LDOC1: variants seen among roughly 807,000 people sequenced by gnomAD.
LDOC1 encodes protein LDOC1.
A neutral mutation model predicts 4.9 loss-of-function variants in LDOC1; 1 was observed. The observed-to-expected ratio is 0.20, with a 90% confidence interval of 0.07 to 0.96. The LOEUF (loss-of-function observed/expected upper bound fraction) is 0.96, where lower values mean the gene tolerates loss of function less well. Ranked by LOEUF, LDOC1 falls within the 40% of genes least tolerant of loss-of-function variation. The pLI is 0.62. For missense variants in LDOC1, 76 were observed against 128.1 expected (o/e 0.59, Z 1.96); for synonymous variants, 55 against 58.3 (o/e 0.94, Z 0.26).
chrX:141,177,123 C>G lies in LDOC1; in HGVS notation c.-102G>C. The stretch of plus-strand genomic sequence containing the variant: ...CGTGTCCACGGAGGCGCTTGGTGGC[C>G]AGGGGCGGGGGGCGGGGGGCGGTGT... On this transcript the variant is annotated 5_prime_UTR_variant, in exon 1 of 1. Coordinates refer to ENST00000370526, the MANE Select transcript of LDOC1 (RefSeq NM_012317.4). 1 of 840,915 alleles carries G rather than the reference C, an allele frequency of 1.2e-6. No homozygotes were observed. The highest frequency in any genetic ancestry group is 1.5e-6 in the Non-Finnish European group (1 of 661,302). 69.3% of individuals were successfully genotyped at this position (840,915 alleles called of 1,213,427 possible).
rs1319624815 is a variant in LDOC1 at position 141,175,565 on chromosome X, C to T, written c.*1016G>A. ...CCCTTTGCCAGGGCTTTAAGAAATG[C>T]GTTGGTGAAGGGAGCATCAGAACCC... is the stretch of plus-strand genomic sequence containing the variant. On this transcript the variant is annotated 3_prime_UTR_variant, in exon 1 of 1. Coordinates refer to ENST00000370526, the MANE Select transcript of LDOC1 (RefSeq NM_012317.4). Among the ~76,000 whole-genome samples, 2 of 111,708 alleles carry T rather than the reference C, an allele frequency of 1.8e-5. No individual in the cohort carries two copies. The highest frequency in any genetic ancestry group is 1.9e-4 in the Admixed American group (2 of 10,500).
Position 141,176,316 on chromosome X carries a change from C to A in LDOC1, c.*265G>T. 2 of 409,369 alleles carry A rather than the reference C, an allele frequency of 4.9e-6. No individual in the cohort carries two copies. Among genetic ancestry groups the A allele is most frequent in the Non-Finnish European group, 8.5e-6 (2 of 234,958 alleles). 33.7% of individuals were successfully genotyped at this position (409,369 alleles called of 1,213,427 possible). On this transcript the variant is annotated 3_prime_UTR_variant, in exon 1 of 1. Coordinates refer to ENST00000370526, the MANE Select transcript of LDOC1 (RefSeq NM_012317.4). ...GTTCAGATTAGCAGGGGAGGGATCC[C>A]GGGGATGGCCAGGGTAGATGACACT...
Position 141,175,297 on chromosome X carries a change from G to A in LDOC1, c.*1284C>T, listed in dbSNP as rs1556282992. 8.9e-6 allele frequency among the ~76,000 whole-genome samples: 1 copy of A among 112,021 alleles called. No homozygotes were observed. Among genetic ancestry groups the A allele is most frequent in the Admixed American group, 9.5e-5 (1 of 10,546 alleles). On this transcript the variant is annotated 3_prime_UTR_variant, in exon 1 of 1. Transcript: ENST00000370526. ...TGTTGGCTATTTGGAGTTTGAAAGT[G>A]ACAATCTACTATGTTGGCTCTCTGG...
Position 141,176,410 on chromosome X carries a change from T to C in LDOC1, c.*171A>G, listed in dbSNP as rs1396743869. ...CAGCAGGTAACTGGAGCGCTATTCC[T>C]GGAACAAAGACAAGCACTACGGAGA... On this transcript the variant is annotated 3_prime_UTR_variant, in exon 1 of 1. Coordinates refer to ENST00000370526, the MANE Select transcript of LDOC1 (RefSeq NM_012317.4). 16 of 628,208 alleles carry C rather than the reference T, an allele frequency of 2.5e-5. No homozygotes were observed. The African/African-American group carries it at 3.4e-4, about 13-fold the overall frequency. The allele number at this position is 628,208 out of a possible 1,213,427, so 51.8% of individuals were successfully genotyped here.
chrX:141,176,599 T>C lies in LDOC1; in HGVS notation c.423A>G (p.Glu141=), dbSNP rs782357923. Residue 141 remains glutamate, a synonymous_variant, in exon 1 of 1, where the codon GAA becomes GAG. Transcript: ENST00000370526. Reference sequence around the variant, plus strand: ...CGAGGGCCTAATAATCATCCTCCTCTTCTTCGTCGTCGTCGTCTTCGTCGT... The same window carrying C: ...CGAGGGCCTAATAATCATCCTCCTCCTCTTCGTCGTCGTCGTCTTCGTCGT... ...WDDDEDDDDE[E]EEDDY 4.1e-6 allele frequency: 5 copies of C among 1,208,070 alleles called. No homozygotes were observed. Among genetic ancestry groups the C allele is most frequent in the Non-Finnish European group, 5.6e-6 (5 of 893,925 alleles).
Position 141,174,597 on chromosome X carries a change from G to A in LDOC1, c.*1984C>T, listed in dbSNP as rs148037136. ...TCTGTTCCCTGGCCCAGGAGTAACA[G>A]CCCATGGTTTGCTGAGTGCTCACCA... is the stretch of plus-strand genomic sequence containing the variant. On this transcript the variant is annotated 3_prime_UTR_variant, in exon 1 of 1. Coordinates refer to ENST00000370526, the MANE Select transcript of LDOC1 (RefSeq NM_012317.4). Among the ~76,000 whole-genome samples the A allele has an allele frequency of 7.1e-3, 797 of 111,792 alleles. 9 individuals carry two copies. The highest frequency in any genetic ancestry group is 0.023 in the Middle Eastern group (5 of 218).
chrX:141,173,705 A>C lies in LDOC1; in HGVS notation c.*2876T>G, dbSNP rs1253431229. ...CATACTCAGGAAATGTACACTTCAG[A>C]TCACAGAAGCTCCCTGGCCTAGTTC... On this transcript the variant is annotated 3_prime_UTR_variant, in exon 1 of 1. Coordinates refer to ENST00000370526, the MANE Select transcript of LDOC1 (RefSeq NM_012317.4). 8.9e-6 allele frequency: 1 copy of C among 112,356 alleles called. No homozygotes were observed. The highest frequency in any genetic ancestry group is 3.2e-5 in the African/African-American group (1 of 30,891). 9.3% of individuals were successfully genotyped at this position (112,356 alleles called of 1,213,427 possible). A position where few individuals can be genotyped will look rare whatever the true frequency, so the allele number is the denominator to read the frequency against.
rs2013605873 is a variant in LDOC1, at chrX:141,175,460, T to C, written c.*1121A>G. ...TCCAGGTTTACGCCTATTGTTATGG[T>C]CTAATTATTAATACTGCTCTCTTTG... is the stretch of plus-strand genomic sequence containing the variant. On this transcript the variant is annotated 3_prime_UTR_variant, in exon 1 of 1. Transcript: ENST00000370526. Among the ~76,000 whole-genome samples, 1 of 111,952 alleles carries C rather than the reference T, an allele frequency of 8.9e-6. No individual in the cohort carries two copies. Among genetic ancestry groups the C allele is most frequent in the Non-Finnish European group, 1.9e-5 (1 of 53,248 alleles).
rs1482846894 is a variant in LDOC1, at chrX:141,174,508, C to T, written c.*2073G>A. Among the ~76,000 whole-genome samples, 1 of 111,921 alleles carries T rather than the reference C, an allele frequency of 8.9e-6. No homozygotes were observed. The highest frequency in any genetic ancestry group is 3.3e-5 in the African/African-American group (1 of 30,763). The stretch of plus-strand genomic sequence containing the variant: ...CATTCTCCCTGAACCTGCTCTGCTC[C>T]TCTTCACGCTGACATTTTCCTACTA... On this transcript the variant is annotated 3_prime_UTR_variant, in exon 1 of 1. Coordinates refer to ENST00000370526, the MANE Select transcript of LDOC1 (RefSeq NM_012317.4).
In LDOC1 at chrX:141,177,127, G is replaced by A; in HGVS notation, c.-106C>T. 2.9e-6 allele frequency: 1 copy of A among 347,781 alleles called. No homozygotes were observed. Among genetic ancestry groups the A allele is most frequent in the Non-Finnish European group, 4.7e-6 (1 of 212,407 alleles). 28.7% of individuals were successfully genotyped at this position (347,781 alleles called of 1,213,427 possible). The stretch of plus-strand genomic sequence containing the variant: ...TCCACGGAGGCGCTTGGTGGCCAGG[G>A]GCGGGGGGCGGGGGGCGGTGTGCGC... On this transcript the variant is annotated 5_prime_UTR_variant, in exon 1 of 1. Transcript: ENST00000370526.
chrX:141,177,013 A>G lies in LDOC1; in HGVS notation c.9T>C (p.Asp3=). ...GCGCGTGCAGCAGCAGCACCAACTC[A>G]TCCACCATTGCGAACGGCCTGGAAG... The part of the protein sequence containing the change: MV[D]ELVLLLHALL... The change falls in exon 1 of 1, where the codon GAT becomes GAC. Residue 3 remains aspartate, a synonymous_variant. Coordinates refer to ENST00000370526, the MANE Select transcript of LDOC1 (RefSeq NM_012317.4). The G allele has an allele frequency of 8.3e-7, 1 of 1,202,074 alleles. No individual in the cohort carries two copies.
chrX:141,176,329 G>T lies in LDOC1; in HGVS notation c.*252C>A. 2.3e-6 allele frequency: 1 copy of T among 426,288 alleles called. No homozygotes were observed. Among genetic ancestry groups the T allele is most frequent in the Non-Finnish European group, 4.1e-6 (1 of 245,467 alleles). 35.1% of individuals were successfully genotyped at this position (426,288 alleles called of 1,213,427 possible). On this transcript the variant is annotated 3_prime_UTR_variant, in exon 1 of 1. Transcript: ENST00000370526. ...GGGGAGGGATCCCGGGGATGGCCAG[G>T]GTAGATGACACTTCCAAGCACTTCC... is the stretch of plus-strand genomic sequence containing the variant.
In LDOC1 at chrX:141,176,799, T is replaced by A; in HGVS notation, c.223A>T (p.Met75Leu). 2 of 1,211,960 alleles carry A rather than the reference T, an allele frequency of 1.7e-6. No homozygotes were observed. The highest frequency in any genetic ancestry group is 2.2e-6 in the Non-Finnish European group (2 of 895,549). ...CAGAATCGGTTCTCGTTCACGAGCATGTAAGACGCCGTCTGCACGATAAAC... is the reference window on the plus strand; with the variant it reads ...CAGAATCGGTTCTCGTTCACGAGCAAGTAAGACGCCGTCTGCACGATAAAC... Reference protein sequence around the residue: ...PEFIVQTASYMLVNENRFCND... With the variant: ...PEFIVQTASYLLVNENRFCND... The change falls in exon 1 of 1, where the codon ATG (methionine) becomes TTG (leucine). Residue 75 changes from methionine (M) to leucine (L), a missense_variant. By Grantham distance (15) the Met-to-Leu change is conservative (BLOSUM62 2). Transcript: ENST00000370526.
At position 141,176,620 on chromosome X, in the gene LDOC1, G is replaced by C; in HGVS notation, c.402C>G (p.Asp134Glu). Residue 134 changes from aspartate (D) to glutamate (E), a missense_variant, in exon 1 of 1, where the codon GAC (aspartate) becomes GAG (glutamate). By Grantham distance (45) the Asp-to-Glu change is conservative (BLOSUM62 2). Transcript: ENST00000370526. ...CCTCTTCTTCGTCGTCGTCGTCTTC[G>C]TCGTCATCCCAGCCAAAGCACTGTT... The part of the protein sequence containing the change: ...EMKQCFGWDD[D>E]EDDDDEEEED... The C allele has an allele frequency of 8.3e-7, 1 of 1,210,919 alleles. No homozygotes were observed. The highest frequency in any genetic ancestry group is 1.1e-6 in the Non-Finnish European group (1 of 894,868).
chrX:141,176,602 T>G lies in LDOC1; in HGVS notation c.420A>C (p.Glu140Asp), dbSNP rs937471876. 139 of 1,208,291 alleles carry G rather than the reference T, an allele frequency of 1.2e-4. No homozygotes were observed. Among genetic ancestry groups the G allele is most frequent in the Non-Finnish European group, 1.5e-4 (135 of 894,023 alleles). The change falls in exon 1 of 1, where the codon GAA (glutamate) becomes GAC (aspartate). Residue 140 changes from glutamate to aspartate, a missense_variant. By Grantham distance (45) the Glu-to-Asp change is conservative. Transcript: ENST00000370526. ...GWDDDEDDDD[E>D]EEEDDY Reference sequence around the variant, plus strand: ...GGGCCTAATAATCATCCTCCTCTTCTTCGTCGTCGTCGTCTTCGTCGTCAT... The same window carrying G: ...GGGCCTAATAATCATCCTCCTCTTCGTCGTCGTCGTCGTCTTCGTCGTCAT...
In LDOC1 at chrX:141,174,630, G is replaced by T. The variant is rs972006537; in HGVS notation, c.*1951C>A. Among the ~76,000 whole-genome samples the T allele has an allele frequency of 8.9e-6, 1 of 111,799 alleles. No homozygotes were observed. Among genetic ancestry groups the T allele is most frequent in the Non-Finnish European group, 1.9e-5 (1 of 53,194 alleles). ...TTTGCTGAGTGCTCACCATGTAGCA[G>T]GGAAAGTTCTAAATGCTTCATGGGT... On this transcript the variant is annotated 3_prime_UTR_variant, in exon 1 of 1. Transcript: ENST00000370526.
rs1556282797 is a variant in LDOC1 at position 141,174,483 on chromosome X, C to T, written c.*2098G>A. On this transcript the variant is annotated 3_prime_UTR_variant, in exon 1 of 1. Coordinates refer to ENST00000370526, the MANE Select transcript of LDOC1 (RefSeq NM_012317.4). ...TGGGGTCTTATCATGCTCTCATTTC[C>T]ATTCTCCCTGAACCTGCTCTGCTCC... is the stretch of plus-strand genomic sequence containing the variant. Among the ~76,000 whole-genome samples the T allele has an allele frequency of 8.9e-6, 1 of 111,747 alleles. No homozygotes were observed. Among genetic ancestry groups the T allele is most frequent in the Non-Finnish European group, 1.9e-5 (1 of 53,170 alleles).
chrX:141,177,103 C>T lies in LDOC1; in HGVS notation c.-82G>A, dbSNP rs1376550978. The T allele has an allele frequency of 1.1e-5, 11 of 1,043,337 alleles. No individual in the cohort carries two copies. Among genetic ancestry groups the T allele is most frequent in the African/African-American group, 7.9e-5 (4 of 50,472 alleles). 86.0% of individuals were successfully genotyped at this position (1,043,337 alleles called of 1,213,427 possible). On this transcript the variant is annotated 5_prime_UTR_variant, in exon 1 of 1. Coordinates refer to ENST00000370526, the MANE Select transcript of LDOC1 (RefSeq NM_012317.4). Reference sequence around the variant, plus strand: ...CGGAGCCCTCGCAGGAAGTGCGTGTCCACGGAGGCGCTTGGTGGCCAGGGG... The same window carrying T: ...CGGAGCCCTCGCAGGAAGTGCGTGTTCACGGAGGCGCTTGGTGGCCAGGGG...
Position 141,176,830 on chromosome X carries a change from G to T in LDOC1, c.192C>A (p.Leu64=). 8.3e-7 allele frequency: 1 copy of T among 1,211,899 alleles called. No individual in the cohort carries two copies. The highest frequency in any genetic ancestry group is 1.1e-6 in the Non-Finnish European group (1 of 895,554). ...ACGCCGTCTGCACGATAAACTCGGGGAGCCGGGAGCTCTCGCCATTAAACG... is the reference window on the plus strand; with the variant it reads ...ACGCCGTCTGCACGATAAACTCGGGTAGCCGGGAGCTCTCGCCATTAAACG... ...PETFNGESSR[L]PEFIVQTASY... The change falls in exon 1 of 1, where the codon CTC becomes CTA. Residue 64 remains leucine, a synonymous_variant. Transcript: ENST00000370526.
Sources: gnomAD v4.1 joint callset for allele counts (sites outside exome capture counted in the v4.1 genomes callset) on GRCh38, gnomAD v4.1.1 for gene constraint, MANE v1.5 for transcripts, NCBI Gene and HGNC (gene_info 2026-07-23, HGNC 2026-07-21) for gene names.